Variants in OXR1 observed in about 807,000 individuals in gnomAD.
The protein encoded by OXR1 is oxidation resistance 1, also known as oxidation resistance protein 1.
OXR1 carries 41 observed loss-of-function variants against 104.6 expected under a neutral mutation model. The observed-to-expected ratio is 0.39, with a 90% CI of 0.31 to 0.51. The LOEUF is 0.51. Among genes scored for constraint, OXR1 ranks in the 20% least tolerant of loss-of-function variants. The pLI is 0.77. For synonymous variants in OXR1, 348 were observed against 348.4 expected (o/e 1.00, Z 0.01); for missense variants, 955 against 1,031.9 (o/e 0.93, Z 1.02).
At chr8:106,316,728 CTATCTATCTATCTATCTATCTATCT>C (rs1813972354) in intron 1 of OXR1, among the ~76,000 whole-genome samples, 1 of 96,604 alleles carries the variant, frequency 1.0e-5, no homozygotes, top group Non-Finnish European at 2.2e-5. Flanking sequence ...ATCTATCTAT[CTATCTATCTATCTATCTATCTATCT>C]ATCTATCTAT....
At chr8:106,657,676 C>G (rs922314751) in intron 3 of OXR1, 1 of 265,476 alleles carries the variant, frequency 3.8e-6, no homozygotes, top group Non-Finnish European at 6.4e-6. Flanking sequence ...GTTTTCTGAC[C>G]CCGCATCGGT....
At chr8:106,361,362 C>T (rs1362579797) in intron 2 of OXR1, among the ~76,000 whole-genome samples, 1 of 152,136 alleles carries the variant, frequency 6.6e-6, no homozygotes, top group African/African-American at 2.4e-5. Context: ...ATATTTTTAT[C>T]AGCACTATCC....
intron 2 of OXR1, among the ~76,000 whole-genome samples, chr8:106,489,602 TA>T (rs957983999): frequency 1.3e-5 from 2 of 152,190 alleles, no homozygotes; most frequent in Non-Finnish European, 2.9e-5. Flanking sequence ...TTTGGAATAT[TA>T]AATAAATTAG....
intron 3 of OXR1, among the ~76,000 whole-genome samples, chr8:106,578,721 A>T (rs1818024075): frequency 6.6e-6 from 1 of 152,240 alleles, no homozygotes; most frequent in Admixed American, 6.5e-5. Flanking sequence ...ATTAATTTGT[A>T]AAATAGATTA....
intron 2 of OXR1, among the ~76,000 whole-genome samples, chr8:106,444,466 A>G (rs1479578016): frequency 6.6e-6 from 1 of 152,238 alleles, no homozygotes; most frequent in African/African-American, 2.4e-5. Context: ...GACTGGATAA[A>G]GAAAATGTGG....
At chr8:106,278,847 A>G (rs1010784551) in intron 1 of OXR1, among the ~76,000 whole-genome samples, 1 of 152,206 alleles carries the variant, frequency 6.6e-6, no homozygotes. Flanking sequence ...GGAAAATAAA[A>G]TCACATATCT....
intron 3 of OXR1, among the ~76,000 whole-genome samples, chr8:106,534,394 G>A (rs1005885834): frequency 1.3e-5 from 2 of 152,258 alleles, no homozygotes; most frequent in African/African-American, 4.8e-5. Context: ...ACACCTGTAA[G>A]AAACCTTTAG....
chr8:106,413,097 T>A (rs780211168), intron 2 of OXR1, among the ~76,000 whole-genome samples: 9 of 151,534 alleles, frequency 5.9e-5, no homozygotes, highest in Non-Finnish European at 1.3e-4. Context: ...GGCTCAACAT[T>A]GCCCTCATTT....
intron 3 of OXR1, among the ~76,000 whole-genome samples, chr8:106,575,985 AACACACACAC>A (rs35038334): frequency 2.2e-3 from 317 of 144,406 alleles, no homozygotes; most frequent in Non-Finnish European, 3.2e-3. Flanking sequence ...AAATGTTTAT[AACACACACAC>A]ACACACACAC....
chr8:106,673,584 A>G (rs1827260202), intron 3 of OXR1, among the ~76,000 whole-genome samples: 1 of 152,238 alleles, frequency 6.6e-6, no homozygotes, highest in African/African-American at 2.4e-5. Context: ...TACTTAAGTA[A>G]CGAGGAGACA....
chr8:106,638,531 T>C (rs1823345986), intron 3 of OXR1, among the ~76,000 whole-genome samples: 1 of 152,178 alleles, frequency 6.6e-6, no homozygotes, highest in Admixed American at 6.5e-5. Context: ...TTGCATTTCT[T>C]ACAAGTTCTA....
intron 11 of OXR1, among the ~76,000 whole-genome samples, chr8:106,718,872 T>C (rs573541990): frequency 6.7e-6 from 1 of 150,106 alleles, no homozygotes; most frequent in Admixed American, 6.6e-5. Flanking sequence ...CCTGAATTAA[T>C]TGCGTCAACA....
At chr8:106,471,214 A>C (rs963687129) in intron 2 of OXR1, among the ~76,000 whole-genome samples, 6 of 151,758 alleles carry the variant, frequency 4.0e-5, no homozygotes, top group Non-Finnish European at 8.8e-5. Context: ...AGGGGAAATT[A>C]TTAGAGCAAT....
chr8:106,352,830 A>G (rs925413373), intron 1 of OXR1, among the ~76,000 whole-genome samples: 8 of 152,228 alleles, frequency 5.3e-5, no homozygotes, highest in African/African-American at 1.9e-4. Flanking sequence ...AGCTGGGTAC[A>G]GAGGACAGAA....
At chr8:106,433,494 G>A (rs1444886209) in intron 2 of OXR1, among the ~76,000 whole-genome samples, 1 of 152,154 alleles carries the variant, frequency 6.6e-6, no homozygotes, top group East Asian at 1.9e-4. Flanking sequence ...TGGACCCCAG[G>A]CAAGAAGTGG....
chr8:106,303,697 T>C (rs1246907635), intron 1 of OXR1, among the ~76,000 whole-genome samples: 4 of 152,176 alleles, frequency 2.6e-5, no homozygotes, highest in Admixed American at 6.5e-5. Flanking sequence ...TATATTGGAA[T>C]AAAATGTATA....
intron 3 of OXR1, among the ~76,000 whole-genome samples, chr8:106,650,232 C>T (rs985064933): frequency 6.6e-6 from 1 of 152,100 alleles, no homozygotes; most frequent in Non-Finnish European, 1.5e-5. Flanking sequence ...TAAATCTTCC[C>T]GACATCTCTA....
At chr8:106,442,593 A>C (rs1322152336) in intron 2 of OXR1, among the ~76,000 whole-genome samples, 1 of 151,982 alleles carries the variant, frequency 6.6e-6, no homozygotes, top group Non-Finnish European at 1.5e-5. Flanking sequence ...TCAATTTCAT[A>C]GCTTATTACT....
chr8:106,405,732 A>G (rs927546105), intron 2 of OXR1, among the ~76,000 whole-genome samples: 1 of 152,136 alleles, frequency 6.6e-6, no homozygotes, highest in Admixed American at 6.5e-5. Flanking sequence ...GATCAACAAA[A>G]CCAACTTGCA....
Sources: gnomAD v4.1 joint callset for allele counts (sites outside exome capture counted in the v4.1 genomes callset) on GRCh38, gnomAD v4.1.1 for gene constraint, MANE v1.5 for transcripts, NCBI Gene and HGNC (gene_info 2026-07-23, HGNC 2026-07-21) for gene names.